The following CNTN6 variants were observed in gnomAD, a reference collection of about 807,000 sequenced individuals.
The protein encoded by CNTN6 is contactin-6.
In CNTN6, 137 loss-of-function variants were observed where a neutral mutation model predicts 122.8. The observed-to-expected ratio is 1.12, with a 90% CI of 0.97 to 1.29. CNTN6 has a LOEUF of 1.29. Ranked by LOEUF, CNTN6 falls within the 50% of genes most tolerant of loss-of-function variation. CNTN6 has a pLI of 0.00. For synonymous variants in CNTN6, 570 were observed against 426.0 expected, an observed-to-expected ratio of 1.34 and a Z score of -4.16; for missense variants, 1,634 against 1,223.4, an observed-to-expected ratio of 1.34 and a Z score of -5.01.
chr3:1,279,780 C>A (rs917106656), intron 5 of CNTN6, among the ~76,000 whole-genome samples: 1 of 152,082 alleles, frequency 6.6e-6, no homozygotes, highest in Non-Finnish European at 1.5e-5. Context: ...AACTTGAAAG[C>A]GTTTTTCCAT....
intron 1 of CNTN6, among the ~76,000 whole-genome samples, chr3:1,141,417 T>A (rs2125139310): frequency 6.6e-6 from 1 of 152,294 alleles, no homozygotes; most frequent in East Asian, 1.9e-4. Flanking sequence ...AACAATGATG[T>A]CCTGATAAAC....
At position 1,175,175 on chromosome 3, in the gene CNTN6, T is replaced by A. The variant is rs550213670; in HGVS notation, c.55+27112T>A. Reference sequence around the variant, plus strand: ...TGAGGGTGGGAGGCCCAGACTACGGTGAGTACCACTGCACTCCAGCCTGGG... The same window carrying A: ...TGAGGGTGGGAGGCCCAGACTACGGAGAGTACCACTGCACTCCAGCCTGGG... On this transcript the variant is annotated intron_variant, in intron 2 of 22. Transcript: ENST00000446702. Among the ~76,000 whole-genome samples the A allele has an allele frequency of 2.3e-5, 3 of 132,238 alleles. No homozygotes were observed. In the South Asian group the frequency reaches 6.9e-4, roughly 31 times the overall value. The allele number at this position is 132,238 out of a possible 152,430, so 86.8% of individuals were successfully genotyped here.
intron 11 of CNTN6, among the ~76,000 whole-genome samples, chr3:1,349,958 T>C (rs1005747392): frequency 3.3e-5 from 5 of 152,002 alleles, no homozygotes; most frequent in African/African-American, 9.6e-5. Context: ...GAGAGAACTT[T>C]TAAAGTTTAT....
intron 5 of CNTN6, among the ~76,000 whole-genome samples, chr3:1,293,622 CTGTT>C (rs1442534118): frequency 6.6e-6 from 1 of 152,268 alleles, no homozygotes; most frequent in Admixed American, 6.5e-5. Flanking sequence ...ACTCAGCTCT[CTGTT>C]TGGACAAGAG....
intron 4 of CNTN6, among the ~76,000 whole-genome samples, chr3:1,266,916 C>A (rs1249488411): frequency 6.6e-6 from 1 of 150,772 alleles, no homozygotes; most frequent in Non-Finnish European, 1.5e-5. Context: ...CAGACTCCCT[C>A]AGACCTCTGG....
At chr3:1,390,658 G>T (rs561430946) in intron 20 of CNTN6, among the ~76,000 whole-genome samples, 1 of 152,006 alleles carries the variant, frequency 6.6e-6, no homozygotes, top group Admixed American at 6.6e-5. Flanking sequence ...TTGATAGACC[G>T]CTAGCAAGAC....
chr3:1,321,700 G>A lies in CNTN6; in HGVS notation c.812G>A (p.Gly271Glu), dbSNP rs185281214. 6.2e-7 allele frequency: 1 copy of A among 1,611,598 alleles called. No homozygotes were observed. Among genetic ancestry groups the A allele is most frequent in the Non-Finnish European group, 8.5e-7 (1 of 1,178,484 alleles). ...AGGTTGGACGGGAGCCCGTTGCCAG[G>A]GAAAGTCAAGTACAGCAAATCCCAA... ...WRRLDGSPLPGKVKYSKSQAI... is the reference protein window; with the variant it reads ...WRRLDGSPLPEKVKYSKSQAI... Residue 271 changes from glycine (G) to glutamate (E), a missense_variant, in exon 8 of 23, where the codon GGG (glycine) becomes GAG (glutamate). Coordinates refer to ENST00000446702, the MANE Select transcript of CNTN6 (RefSeq NM_001289080.2).
chr3:1,292,170 C>G (rs954442862), intron 5 of CNTN6, among the ~76,000 whole-genome samples: 7 of 152,120 alleles, frequency 4.6e-5, no homozygotes, highest in African/African-American at 1.7e-4. Flanking sequence ...TTAAATCTAA[C>G]AGCATTCTGT....
At chr3:1,342,690 A>G (rs1704078176) in intron 11 of CNTN6, among the ~76,000 whole-genome samples, 1 of 152,198 alleles carries the variant, frequency 6.6e-6, no homozygotes, top group Non-Finnish European at 1.5e-5. Flanking sequence ...TCTGTGAATC[A>G]GATGAATATT....
intron 2 of CNTN6, among the ~76,000 whole-genome samples, chr3:1,154,422 C>T (rs2092914726): frequency 6.9e-6 from 1 of 145,214 alleles, no homozygotes; most frequent in Non-Finnish European, 1.5e-5. Flanking sequence ...TGGAAGGATT[C>T]ATAATATTTT....
chr3:1,329,919 C>T lies in CNTN6; in HGVS notation c.1348C>T (p.Leu450Phe). ...AISWKRGTET[L>F]RQSKRIFLLE... ...CTCTTGGAAAAGAGGAACGGAGACC[C>T]TTAGACAAAGCAAAAGGTAAACAAA... Residue 450 changes from leucine (L) to phenylalanine (F), a missense_variant, in exon 11 of 23, where the codon CTT becomes TTT. Coordinates refer to ENST00000446702, the MANE Select transcript of CNTN6 (RefSeq NM_001289080.2). 1 of 1,570,712 alleles carries T rather than the reference C, an allele frequency of 6.4e-7. No homozygotes were observed. Among genetic ancestry groups the T allele is most frequent in the Non-Finnish European group, 8.6e-7 (1 of 1,163,610 alleles).
intron 4 of CNTN6, among the ~76,000 whole-genome samples, chr3:1,241,491 T>A (rs2094483582): frequency 6.6e-6 from 1 of 151,938 alleles, no homozygotes; most frequent in African/African-American, 2.4e-5. Flanking sequence ...ATGGCCTGGA[T>A]ATGGTTTTGG....
intron 5 of CNTN6, among the ~76,000 whole-genome samples, chr3:1,288,852 T>C (rs910542868): frequency 6.6e-6 from 1 of 152,220 alleles, no homozygotes; most frequent in Non-Finnish European, 1.5e-5. Flanking sequence ...AAAAGAGGAT[T>C]TGTTGTATGC....
At chr3:1,288,299 G>A in intron 5 of CNTN6, among the ~76,000 whole-genome samples, 1 of 144,294 alleles carries the variant, frequency 6.9e-6, no homozygotes, top group East Asian at 2.1e-4. Context: ...CAGTAATTGT[G>A]GAACGAATGG....
intron 20 of CNTN6, among the ~76,000 whole-genome samples, chr3:1,388,372 T>A (rs1004395185): frequency 6.7e-6 from 1 of 148,570 alleles, no homozygotes; most frequent in Non-Finnish European, 1.5e-5. Context: ...GAAGGAAAAC[T>A]AACAAACAGA....
chr3:1,348,045 C>G (rs979714153), intron 11 of CNTN6, among the ~76,000 whole-genome samples: 2 of 150,904 alleles, frequency 1.3e-5, no homozygotes, highest in Non-Finnish European at 2.9e-5. Context: ...TGAAAGCCTA[C>G]CTATTGACTG....
chr3:1,380,697 A>G (rs1691730370), intron 17 of CNTN6, among the ~76,000 whole-genome samples: 1 of 152,214 alleles, frequency 6.6e-6, no homozygotes, highest in African/African-American at 2.4e-5. Flanking sequence ...CAAAAGAGCC[A>G]CATACCACTT....
In CNTN6 at chr3:1,209,919, T is replaced by G. The variant is rs147761372; in HGVS notation, c.56-10768T>G. Reference sequence around the variant, plus strand: ...ATTCAGTTAACTGGCAAATCACCTTTTACCTTTGCTTTCAATTCTTGCTCC... The same window carrying G: ...ATTCAGTTAACTGGCAAATCACCTTGTACCTTTGCTTTCAATTCTTGCTCC... On this transcript the variant is annotated intron_variant, in intron 2 of 22. Coordinates refer to ENST00000446702, the MANE Select transcript of CNTN6 (RefSeq NM_001289080.2). 2.6e-5 allele frequency among the ~76,000 whole-genome samples: 4 copies of G among 152,338 alleles called. 1 individual carries two copies. Among genetic ancestry groups the G allele is most frequent in the Non-Finnish European group, 1.5e-5 (1 of 68,020 alleles).
At chr3:1,190,766 G>A (rs1399924634) in intron 2 of CNTN6, among the ~76,000 whole-genome samples, 1 of 152,082 alleles carries the variant, frequency 6.6e-6, no homozygotes, top group Non-Finnish European at 1.5e-5. Flanking sequence ...ATCACCTTCA[G>A]CCTGTTCTTT....
Sources: gnomAD v4.1 joint callset for allele counts (sites outside exome capture counted in the v4.1 genomes callset) on GRCh38, gnomAD v4.1.1 for gene constraint, MANE v1.5 for transcripts, NCBI Gene and HGNC (gene_info 2026-07-23, HGNC 2026-07-21) for gene names.